RAB37: variants seen among roughly 807,000 people sequenced by gnomAD.
RAB37 encodes the protein RAB37, member RAS oncogene family.
Under a neutral mutation model 33.1 loss-of-function variants are expected in RAB37, and 29 were observed. The ratio of observed to expected loss-of-function variants is 0.88; its 90% confidence interval spans 0.65 to 1.20. The LOEUF (loss-of-function observed/expected upper bound fraction) is 1.20. Among genes scored for constraint, RAB37 ranks in the 50% most tolerant of loss-of-function variants. The pLI is 0.00. For missense variants in RAB37, 299 were observed against 301.1 expected (o/e 0.99, Z 0.05); for synonymous variants, 128 against 119.5 (o/e 1.07, Z -0.47).
intron 1 of RAB37, among the ~76,000 whole-genome samples, chr17:74,708,823 G>A (rs1019914615): frequency 6.6e-6 from 1 of 151,678 alleles, no homozygotes; most frequent in African/African-American, 2.4e-5. Flanking sequence ...GCTGAGGCAG[G>A]AGAATGACGT....
In RAB37 at chr17:74,729,176, C is replaced by G. The variant is rs1008836556; in HGVS notation, c.73-80C>G. 1 of 935,972 alleles carries G rather than the reference C, an allele frequency of 1.1e-6. No homozygotes were observed. Among genetic ancestry groups the G allele is most frequent in the Non-Finnish European group, 1.8e-6 (1 of 562,342 alleles). 58.0% of individuals were successfully genotyped at this position (935,972 alleles called of 1,614,324 possible). A position where few individuals can be genotyped will look rare whatever the true frequency, so the allele number is the denominator to read the frequency against. ...TGCACATGCGTGCTTAGAAAGAATC[C>G]ACTCCCACAGCCACAAGGACACCTC... On this transcript the variant is annotated intron_variant, in intron 1 of 7. Coordinates refer to the RAB37 transcript ENST00000340415. This position sits in a 1 kb window ranked among gnomAD's most constrained non-coding sequence, Gnocchi z 4.2.
At chr17:74,735,734 T>G (rs1192802068), upstream of RAB37, among the ~76,000 whole-genome samples, 1 of 152,176 alleles carries the variant, frequency 6.6e-6, no homozygotes, top group Non-Finnish European at 1.5e-5. Context: ...CCCAAGCTCT[T>G]TACTCTACTG....
chr17:74,673,679 A>C (rs970293228), intron 1 of RAB37, among the ~76,000 whole-genome samples: 2 of 152,056 alleles, frequency 1.3e-5, no homozygotes, highest in South Asian at 2.1e-4. Context: ...TTGATCACCA[A>C]ATTGAGAGTG....
chr17:74,734,973 GA>G (rs1466968791), upstream of RAB37, among the ~76,000 whole-genome samples: 30 of 118,618 alleles, frequency 2.5e-4, no homozygotes, highest in African/African-American at 8.5e-4. Flanking sequence ...GAAAGAAAAA[GA>G]AAGAAAGAAA....
At chr17:74,695,757 C>T in intron 1 of RAB37, 3 of 1,614,140 alleles carry the variant, frequency 1.9e-6, no homozygotes, top group Non-Finnish European at 2.5e-6. Context: ...ACCTGGTCAA[C>T]CTGGGCAGAG....
rs1479441089 is a variant in RAB37 at position 74,702,024 on chromosome 17, A to T, written c.73-27232A>T. Among the ~76,000 whole-genome samples the T allele has an allele frequency of 4.0e-5, 6 of 150,658 alleles. No homozygotes were observed. In the South Asian group the frequency reaches 6.3e-4, roughly 16 times the overall value. On this transcript the variant is annotated intron_variant, in intron 1 of 7. Coordinates refer to the RAB37 transcript ENST00000340415. Reference sequence around the variant, plus strand: ...CTACAGAGCAAGACTGTCTAAAAATAAAAAAAAAGAAAACTTTAAAAAGTT... The same window carrying T: ...CTACAGAGCAAGACTGTCTAAAAATTAAAAAAAAGAAAACTTTAAAAAGTT...
Position 74,671,430 on chromosome 17 carries a change from G to A in RAB37, c.-157G>A. ...GCCTGCCCGCCTGGTACCGCGCCGC[G>A]GCCGCTGCGGGGAACTGTCCAGTGC... On this transcript the variant is annotated 5_prime_UTR_variant, in exon 1 of 8. Coordinates refer to the RAB37 transcript ENST00000340415. The surrounding 1 kb of genome is among the most constrained non-coding windows in gnomAD (Gnocchi z 5.0). 1.5e-6 allele frequency: 1 copy of A among 645,224 alleles called. No individual in the cohort carries two copies. Among genetic ancestry groups the A allele is most frequent in the Non-Finnish European group, 2.7e-6 (1 of 376,876 alleles). The allele number at this position is 645,224 out of a possible 1,614,324, so 40.0% of individuals were successfully genotyped here.
intron 1 of RAB37, chr17:74,695,365 A>T: frequency 1.6e-6 from 2 of 1,275,028 alleles, no homozygotes. Flanking sequence ...TTCTAATCCC[A>T]CTCAAGCCCT....
chr17:74,723,419 G>A (rs900527402), intron 1 of RAB37, among the ~76,000 whole-genome samples: 1 of 139,934 alleles, frequency 7.1e-6, no homozygotes, highest in South Asian at 2.2e-4. Flanking sequence ...CTGCCTTCTC[G>A]TACTTGTGGG....
In RAB37 at chr17:74,740,846, A is replaced by G; in HGVS notation, c.172A>G (p.Thr58Ala). The G allele has an allele frequency of 3.7e-6, 6 of 1,613,950 alleles. No homozygotes were observed. Among genetic ancestry groups the G allele is most frequent in the Non-Finnish European group, 5.1e-6 (6 of 1,179,908 alleles). ...CAAAGACGGGGCCTTCCTGTCCGGA[A>G]CCTTCATAGCCACCGTCGGCATAGA... ...QFKDGAFLSGTFIATVGIDFR... is the reference protein window; with the variant it reads ...QFKDGAFLSGAFIATVGIDFR... Residue 58 changes from threonine to alanine, a missense_variant, in exon 2 of 9, where the codon ACC becomes GCC. Physicochemically the swap from Thr to Ala is moderately conservative, Grantham distance 58. Transcript: ENST00000392613.
intron 1 of RAB37, among the ~76,000 whole-genome samples, chr17:74,708,312 T>C (rs1195198479): frequency 7.9e-5 from 12 of 152,104 alleles, no homozygotes; most frequent in Non-Finnish European, 1.5e-5. Context: ...TCCAGACCCA[T>C]ACAGCTTCAA....
Position 74,676,746 on chromosome 17 carries a change from T to A in RAB37, c.72+5088T>A, listed in dbSNP as rs756718882. Among the ~76,000 whole-genome samples, 2 of 152,150 alleles carry A rather than the reference T, an allele frequency of 1.3e-5. No individual in the cohort carries two copies. The highest frequency in any genetic ancestry group is 2.4e-5 in the African/African-American group (1 of 41,428). ...CACAAATGGCTATACTTTTATATAA[T>A]TCCAGAAGTGTCCTAAGAAAGATAC... On this transcript the variant is annotated intron_variant, in intron 1 of 7. Coordinates refer to the RAB37 transcript ENST00000340415. The surrounding 1 kb of genome is among the most constrained non-coding windows in gnomAD (Gnocchi z 4.1).
At position 74,725,025 on chromosome 17, in the gene RAB37, A is replaced by G. The variant is rs199938559; in HGVS notation, c.73-4231A>G. On this transcript the variant is annotated intron_variant, in intron 1 of 7. Transcript: ENST00000340415. Reference sequence around the variant, plus strand: ...AGGCCCACATACCATGTGTCTCAGTATCTTAACATTCTAAAGCAAGCTCAA... The same window carrying G: ...AGGCCCACATACCATGTGTCTCAGTGTCTTAACATTCTAAAGCAAGCTCAA... Among the ~76,000 whole-genome samples, 33 of 152,312 alleles carry G rather than the reference A, an allele frequency of 2.2e-4. No individual in the cohort carries two copies. In the East Asian group the frequency reaches 6.4e-3, roughly 29 times the overall value.
intron 1 of RAB37, among the ~76,000 whole-genome samples, chr17:74,718,913 C>A (rs1469549764): frequency 1.3e-5 from 2 of 152,082 alleles, no homozygotes; most frequent in African/African-American, 4.8e-5. Flanking sequence ...TGGACTACTA[C>A]CTTTATTAGG....
chr17:74,695,588 C>T (rs78844873), intron 1 of RAB37: 1 of 1,271,262 alleles, frequency 7.9e-7, no homozygotes, highest in Non-Finnish European at 1.1e-6. Flanking sequence ...GCGAGTCCTG[C>T]AGTGACTATG....
At chr17:74,684,113 C>T (rs543919671) in intron 1 of RAB37, among the ~76,000 whole-genome samples, 1 of 151,042 alleles carries the variant, frequency 6.6e-6, no homozygotes, top group African/African-American at 2.5e-5. Context: ...TTTATTGAGA[C>T]GAGTCTCTCT....
intron 1 of RAB37, among the ~76,000 whole-genome samples, chr17:74,714,460 A>G (rs1299577461): frequency 2.0e-5 from 3 of 150,976 alleles, no homozygotes; most frequent in Admixed American, 6.6e-5. Flanking sequence ...TTCAGAGAGA[A>G]GGGAGATGCA....
chr17:74,688,337 G>A (rs548179715), intron 1 of RAB37, among the ~76,000 whole-genome samples: 40 of 152,244 alleles, frequency 2.6e-4, no homozygotes, highest in Admixed American at 5.2e-4. Context: ...ATTACCTGAG[G>A]TCAGGAGTTC....
intron 1 of RAB37, among the ~76,000 whole-genome samples, chr17:74,682,319 A>ACTCT (rs909443664): frequency 4.0e-5 from 6 of 150,534 alleles, no homozygotes; most frequent in African/African-American, 1.2e-4. Flanking sequence ...CTTCGGCCTC[A>ACTCT]CTCTCTGTCT....
Sources: allele counts gnomAD v4.1 joint callset (sites outside exome capture counted in the v4.1 genomes callset), GRCh38; gene constraint gnomAD v4.1.1; non-coding constraint Gnocchi (gnomAD v3.1); transcripts MANE v1.5; gene names NCBI Gene and HGNC (gene_info 2026-07-23, HGNC 2026-07-21).